DAP3: variants seen among roughly 807,000 people sequenced by gnomAD.
DAP3 encodes death associated protein 3.
In DAP3, 28 loss-of-function variants were observed where a neutral mutation model predicts 51.9. The observed-to-expected ratio is 0.54, with a 90% CI of 0.40 to 0.74. The LOEUF is 0.74. DAP3 is among the 30% of genes least tolerant of loss of function. DAP3 has a pLI of 0.00. For missense variants in DAP3, 458 were observed against 483.5 expected, an observed-to-expected ratio of 0.95 and a Z score of 0.49; for synonymous variants, 170 against 170.3, an observed-to-expected ratio of 1.00 and a Z score of 0.01.
chr1:155,736,499 C>T, intron 11 of DAP3: 1 of 220,770 alleles, frequency 4.5e-6, no homozygotes. Flanking sequence ...TCGCAGCTCA[C>T]TGCAATCTCA....
intron 11 of DAP3, 94 bp from the exon 12 acceptor site, chr1:155,736,852 C>T (rs1659858632): frequency 5.7e-6 from 6 of 1,047,610 alleles, no homozygotes; most frequent in Admixed American, 3.7e-5. Flanking sequence ...AGAAGAAAAA[C>T]AAATACCTTA....
At chr1:155,690,491 G>C (rs1432554154) in intron 1 of DAP3, among the ~76,000 whole-genome samples, 2 of 141,418 alleles carry the variant, frequency 1.4e-5, no homozygotes, top group East Asian at 3.9e-4. Flanking sequence ...AGTTAGCCGA[G>C]ATCACGCCAT....
intron 1 of DAP3, among the ~76,000 whole-genome samples, chr1:155,694,086 A>G (rs796634593): frequency 1.4e-5 from 2 of 141,766 alleles, no homozygotes; most frequent in Non-Finnish European, 2.9e-5. Context: ...GTTGAACTGA[A>G]CTCTGTGGAT....
At chr1:155,725,207 C>T (rs190890609) in intron 4 of DAP3, among the ~76,000 whole-genome samples, 175 bp from the exon 5 acceptor site, 63 of 152,200 alleles carry the variant, frequency 4.1e-4, no homozygotes, top group Non-Finnish European at 7.1e-4. Flanking sequence ...CAGTTTTTAG[C>T]TAAGTTATAT....
At position 155,716,387 on chromosome 1, in the gene DAP3, C is replaced by CT. The variant is rs761208777; in HGVS notation, c.46-619_46-618insT. On this transcript the variant is annotated intron_variant, in intron 2 of 12. Transcript: ENST00000368336. The stretch of plus-strand genomic sequence containing the variant: ...CCATCCTGGCTAACACAGTGAAACC[C>CT]CTACTAAAAATACACCTCTACTAAA... Among the ~76,000 whole-genome samples, 183 of 150,624 alleles carry CT rather than the reference C, an allele frequency of 1.2e-3. 1 individual carries two copies. The highest frequency in any genetic ancestry group is 1.9e-3 in the Non-Finnish European group (132 of 67,694).
At chr1:155,735,650 A>G (rs1009611134) in intron 11 of DAP3, among the ~76,000 whole-genome samples, 6 of 150,662 alleles carry the variant, frequency 4.0e-5, no homozygotes, top group Non-Finnish European at 7.4e-5. Context: ...CATCTAGCGT[A>G]TTTTTTCCCA....
At chr1:155,696,893 T>C (rs36148696) in intron 1 of DAP3, among the ~76,000 whole-genome samples, 2 of 152,182 alleles carry the variant, frequency 1.3e-5, no homozygotes, top group Non-Finnish European at 2.9e-5. Context: ...TTTAAATCTA[T>C]AATAACAAGC....
rs112599802 is a variant in DAP3, at chr1:155,726,200, G to A, written c.472+181G>A. 957 of 407,870 alleles carry A rather than the reference G, an allele frequency of 2.3e-3. 8 individuals are homozygous for A. The highest frequency in any genetic ancestry group is 0.019 in the African/African-American group (869 of 44,882). The allele number at this position is 407,870 out of a possible 1,614,324, so 25.3% of individuals were successfully genotyped here. On this transcript the variant is annotated intron_variant, in intron 6 of 12. Transcript: ENST00000368336. ...GCAATCTCAGGTCACCGCAACCTCC[G>A]CCTCCCAGGCTCAAGAGATTCTCCT...
intron 11 of DAP3, among the ~76,000 whole-genome samples, chr1:155,732,523 G>A (rs111462150): frequency 2.6e-5 from 4 of 152,006 alleles, no homozygotes; most frequent in Admixed American, 2.6e-4. Context: ...GAGCCACGGC[G>A]CCTGGCCTTG....
At chr1:155,699,131 C>A (rs181999290) in intron 1 of DAP3, among the ~76,000 whole-genome samples, 61 of 152,322 alleles carry the variant, frequency 4.0e-4, no homozygotes, top group African/African-American at 1.4e-3. Context: ...CTGGTCTCTA[C>A]ACTATTTATT....
chr1:155,710,295 A>T (rs1656535732), intron 2 of DAP3: 2 of 150,422 alleles, frequency 1.3e-5, no homozygotes, highest in Non-Finnish European at 2.9e-5. Context: ...GCAGTGGCGC[A>T]ATCTCGGCTC....
intron 3 of DAP3, among the ~76,000 whole-genome samples, chr1:155,717,726 C>T (rs1301738616): frequency 6.6e-6 from 1 of 152,136 alleles, no homozygotes; most frequent in East Asian, 1.9e-4. Context: ...TTCTAATAAC[C>T]AATCTGGTGC....
intron 1 of DAP3, among the ~76,000 whole-genome samples, chr1:155,703,684 C>T (rs1655603186): frequency 6.8e-6 from 1 of 146,836 alleles, no homozygotes; most frequent in South Asian, 2.1e-4. Context: ...ACTACAGGCG[C>T]CCGCCACCAC....
At chr1:155,690,992 C>T (rs936962873) in intron 1 of DAP3, among the ~76,000 whole-genome samples, 1 of 142,142 alleles carries the variant, frequency 7.0e-6, no homozygotes, top group Non-Finnish European at 1.5e-5. Flanking sequence ...ACTGCAAGCT[C>T]CGCCTCCCGG....
chr1:155,702,265 C>T (rs1430747980), intron 1 of DAP3, among the ~76,000 whole-genome samples: 5 of 150,048 alleles, frequency 3.3e-5, no homozygotes, highest in South Asian at 2.1e-4. Context: ...GTCAGGAGAT[C>T]GAGATCATCC....
chr1:155,726,013 C>A lies in DAP3; in HGVS notation c.466C>A (p.Pro156Thr), dbSNP rs568206981. The A allele has an allele frequency of 6.2e-7, 1 of 1,613,550 alleles. No homozygotes were observed. The highest frequency in any genetic ancestry group is 1.1e-5 in the South Asian group (1 of 91,046). The change falls in exon 6 of 13, where the codon CCA becomes ACA. Residue 156 changes from proline to threonine, a missense_variant. Physicochemically the swap from Pro to Thr is conservative, Grantham distance 38 (BLOSUM62 -1). Coordinates refer to ENST00000368336, the MANE Select transcript of DAP3 (RefSeq NM_004632.4). ...ACAGGACTGGCTGATACTACATATT[C>A]CAGATGGTAAGAACTTCCTGTTGTT... ...AKQDWLILHI[P>T]DAHLWVKNCR...
At chr1:155,731,889 C>T (rs1659274583) in intron 10 of DAP3, 55 bp from the exon 11 acceptor site, 2 of 1,500,650 alleles carry the variant, frequency 1.3e-6, no homozygotes, top group African/African-American at 1.4e-5. Flanking sequence ...ATGATTAATG[C>T]AGTTTTCCAT....
chr1:155,715,935 A>G (rs1657279240), intron 2 of DAP3, among the ~76,000 whole-genome samples: 1 of 152,186 alleles, frequency 6.6e-6, no homozygotes, highest in South Asian at 2.1e-4. Flanking sequence ...CACAATTAGC[A>G]GGAAAATTGT....
chr1:155,709,385 A>G (rs530129839), intron 1 of DAP3, among the ~76,000 whole-genome samples: 3 of 152,162 alleles, frequency 2.0e-5, no homozygotes, highest in South Asian at 4.2e-4. Context: ...GGCTCAAGCA[A>G]TCCACCCACC....
Sources: gnomAD v4.1 joint callset for allele counts (sites outside exome capture counted in the v4.1 genomes callset) on GRCh38, gnomAD v4.1.1 for gene constraint, MANE v1.5 for transcripts, NCBI Gene and HGNC (gene_info 2026-07-23, HGNC 2026-07-21) for gene names.